Variants in STARD4 observed in about 807,000 individuals in gnomAD.
STARD4 encodes the protein StAR related lipid transfer domain containing 4.
Under a neutral mutation model 24.9 loss-of-function variants are expected in STARD4, and 33 were observed. The ratio of observed to expected loss-of-function variants is 1.32; its 90% CI spans 1.00 to 1.77. STARD4 has a LOEUF of 1.77. Ranked by LOEUF, STARD4 falls within the 40% of genes most tolerant of loss-of-function variation. The probability of loss-of-function intolerance (pLI) is 0.00; values close to 1 mark genes in which losing one functional copy is unlikely to be tolerated. For synonymous variants in STARD4, 88 were observed against 77.4 expected, an observed-to-expected ratio of 1.14 and a Z score of -0.72; for missense variants, 238 against 249.3, an observed-to-expected ratio of 0.95 and a Z score of 0.31.
At chr5:111,503,906 A>T (rs1756653498) in intron 3 of STARD4, among the ~76,000 whole-genome samples, 1 of 152,216 alleles carries the variant, frequency 6.6e-6, no homozygotes, top group Non-Finnish European at 1.5e-5. Flanking sequence ...AACTCCTATA[A>T]ACCAATGAGA....
intron 4 of STARD4, 111 bp from the exon 5 acceptor site, chr5:111,501,227 A>G: frequency 8.7e-7 from 1 of 1,144,282 alleles, no homozygotes; most frequent in Non-Finnish European, 1.2e-6. Context: ...AATGTTTCAT[A>G]ATTATAATAA....
At position 111,499,976 on chromosome 5, in the gene STARD4, A is replaced by C. The variant is rs1445085810; in HGVS notation, c.528T>G (p.Asp176Glu). 1 of 1,614,046 alleles carries C rather than the reference A, an allele frequency of 6.2e-7. No individual in the cohort carries two copies. The highest frequency in any genetic ancestry group is 1.3e-5 in the African/African-American group (1 of 74,922). The change falls in exon 6 of 6, where the codon GAT (aspartate) becomes GAG (glutamate). Residue 176 changes from aspartate to glutamate, a missense_variant. Transcript: ENST00000296632. Reference protein sequence around the residue: ...QSLLTGYIQTDLRGMIPQSAV... With the variant: ...QSLLTGYIQTELRGMIPQSAV... Reference sequence around the variant, plus strand: ...CAGACTGAGGAATCATCCCACGCAGATCTGTCTGAATATATCCTGTCAAAA... The same window carrying C: ...CAGACTGAGGAATCATCCCACGCAGCTCTGTCTGAATATATCCTGTCAAAA...
rs31315 is a variant in STARD4 at position 111,500,587 on chromosome 5, T to A, written c.397+415A>T. ...GTTTTAGAAAACAGGAGCCTTCCAA[T>A]GGCAGTATTTTTAATCTTGAAAAGA... On this transcript the variant is annotated intron_variant, in intron 5 of 5. Coordinates refer to ENST00000296632, the MANE Select transcript of STARD4 (RefSeq NM_139164.3). The A allele has an allele frequency of 6.4e-6, 7 of 1,094,418 alleles. No individual in the cohort carries two copies. In the South Asian group the frequency reaches 1.8e-4, roughly 28 times the overall value. 67.8% of individuals were successfully genotyped at this position (1,094,418 alleles called of 1,614,324 possible).
chr5:111,506,266 G>C (rs1756854614), intron 3 of STARD4, 64 bp downstream of exon 3: 1 of 666,528 alleles, frequency 1.5e-6, no homozygotes, highest in Non-Finnish European at 2.3e-6. Context: ...TGACTACTTA[G>C]TGACAATGGA....
At chr5:111,502,399 G>A (rs989522641) in intron 3 of STARD4, among the ~76,000 whole-genome samples, 1 of 151,934 alleles carries the variant, frequency 6.6e-6, no homozygotes, top group African/African-American at 2.4e-5. Context: ...AACCCCGGAG[G>A]TGGAGGTTGC....
chr5:111,509,134 C>G (rs1030977317), intron 1 of STARD4, among the ~76,000 whole-genome samples: 3 of 152,066 alleles, frequency 2.0e-5, no homozygotes, highest in African/African-American at 7.2e-5. Flanking sequence ...TAACTTTATT[C>G]AAGAGTATGC....
At chr5:111,504,831 T>A (rs1437177534) in intron 3 of STARD4, among the ~76,000 whole-genome samples, 1 of 152,184 alleles carries the variant, frequency 6.6e-6, no homozygotes, top group Non-Finnish European at 1.5e-5. Context: ...TCACTATGGT[T>A]TTATCAGGAC....
chr5:111,505,046 G>GAA lies in STARD4; in HGVS notation c.155+1282_155+1283dup, dbSNP rs60507297. ...TGATCACATATCCCTTTAAGACTCTGAAAAAAAAAAAACCAGTGTTTCTCA... is the reference window on the plus strand; with the variant it reads ...TGATCACATATCCCTTTAAGACTCTGAAAAAAAAAAAAAACCAGTGTTTCTCA... On this transcript the variant is annotated intron_variant, in intron 3 of 5. Coordinates refer to ENST00000296632, the MANE Select transcript of STARD4 (RefSeq NM_139164.3). The GAA allele has an allele frequency of 6.2e-3, 2,444 of 392,092 alleles. 5 individuals are homozygous for GAA. The highest frequency in any genetic ancestry group is 9.2e-3 in the Admixed American group (326 of 35,392). 24.3% of individuals were successfully genotyped at this position (392,092 alleles called of 1,614,324 possible).
intron 3 of STARD4, among the ~76,000 whole-genome samples, chr5:111,505,643 T>C (rs1380263046): frequency 6.6e-6 from 1 of 152,330 alleles, no homozygotes; most frequent in East Asian, 1.9e-4. Context: ...ATATTATAAA[T>C]AATGCTGTGA....
chr5:111,505,076 T>C (rs1348301803), intron 3 of STARD4: 1 of 452,716 alleles, frequency 2.2e-6, no homozygotes, highest in Admixed American at 2.4e-5. Context: ...TTCTCATATG[T>C]GTTTATGCAG....
In STARD4 at chr5:111,501,988, A is replaced by T. The variant is rs1756485367; in HGVS notation, c.256T>A (p.Leu86Met). 1 of 1,614,018 alleles carries T rather than the reference A, an allele frequency of 6.2e-7. No individual in the cohort carries two copies. The highest frequency in any genetic ancestry group is 1.3e-5 in the African/African-American group (1 of 74,908). ...TCTTCAAAGTTCTCCAGAATATCCA[A>T]AGAAGTCATCAAGCTGTCCCAATCC... ...RLDWDSLMTS[L>M]DILENFEENC... Residue 86 changes from leucine to methionine, a missense_variant, in exon 4 of 6, where the codon TTG (leucine) becomes ATG (methionine). Transcript: ENST00000296632.
At chr5:111,508,540 T>A (rs904157294) in intron 1 of STARD4, among the ~76,000 whole-genome samples, 2 of 152,086 alleles carry the variant, frequency 1.3e-5, no homozygotes, top group African/African-American at 4.8e-5. Context: ...TACAGAACCA[T>A]CAAATTGCTG....
At chr5:111,502,122 C>A (rs776273586) in intron 3 of STARD4, 34 bp from the exon 4 acceptor site, 2 of 1,596,894 alleles carry the variant, frequency 1.3e-6, no homozygotes, top group Admixed American at 3.6e-5. Flanking sequence ...ACCGCTGTTA[C>A]AATAAAAAAA....
chr5:111,504,079 T>C (rs1756665474), intron 3 of STARD4, among the ~76,000 whole-genome samples: 1 of 152,124 alleles, frequency 6.6e-6, no homozygotes, highest in Non-Finnish European at 1.5e-5. Context: ...AACTCGTAAG[T>C]AGTGAATGGA....
chr5:111,508,033 C>T (rs984399216), intron 1 of STARD4, among the ~76,000 whole-genome samples: 1 of 152,124 alleles, frequency 6.6e-6, no homozygotes, highest in Non-Finnish European at 1.5e-5. Flanking sequence ...CACTGGTTTT[C>T]TTTCTGTCCC....
At chr5:111,504,988 T>G (rs1351443767) in intron 3 of STARD4, 5 of 454,710 alleles carry the variant, frequency 1.1e-5, no homozygotes, top group South Asian at 6.2e-5. Context: ...CAGCACTTTG[T>G]GTCCAACTCA....
In STARD4 at chr5:111,506,275, G is replaced by T. The variant is rs937095744; in HGVS notation, c.155+55C>A. ...TAGCAATGACTACTTAGTGACAATG[G>T]ATATAAGTTTTGAAATGTCTTAAGA... On this transcript the variant is annotated intron_variant, in intron 3 of 5. Coordinates refer to ENST00000296632, the MANE Select transcript of STARD4 (RefSeq NM_139164.3). 15 of 901,770 alleles carry T rather than the reference G, an allele frequency of 1.7e-5. No homozygotes were observed. The Admixed American group carries it at 2.9e-4, about 17-fold the overall frequency. 55.9% of individuals were successfully genotyped at this position (901,770 alleles called of 1,614,324 possible).
rs1348284353 is a variant in STARD4, at chr5:111,502,008, C to A, written c.236G>T (p.Trp79Leu). ...ATCCAAAGAAGTCATCAAGCTGTCCCAATCCAAACGACAAGGCCCTGGGCG... is the reference window on the plus strand; with the variant it reads ...ATCCAAAGAAGTCATCAAGCTGTCCAAATCCAAACGACAAGGCCCTGGGCG... ...HIRPGPCRLDWDSLMTSLDIL... is the reference protein window; with the variant it reads ...HIRPGPCRLDLDSLMTSLDIL... The change falls in exon 4 of 6, where the codon TGG becomes TTG. Residue 79 changes from tryptophan to leucine, a missense_variant. By Grantham distance (61) the Trp-to-Leu change is moderately conservative (BLOSUM62 -2). Coordinates refer to ENST00000296632, the MANE Select transcript of STARD4 (RefSeq NM_139164.3). 1.9e-6 allele frequency: 3 copies of A among 1,614,052 alleles called. No individual in the cohort carries two copies. Among genetic ancestry groups the A allele is most frequent in the Non-Finnish European group, 2.5e-6 (3 of 1,180,004 alleles).
In STARD4 at chr5:111,504,240, T is replaced by A. The variant is rs575555356; in HGVS notation, c.155+2090A>T. Among the ~76,000 whole-genome samples the A allele has an allele frequency of 3.3e-5, 5 of 152,254 alleles. No homozygotes were observed. The East Asian group carries it at 7.7e-4, about 24-fold the overall frequency. ...AGGTTTACTATCGCATTGTACTTTA[T>A]AGAGAAAAATTGACAACAGCCTAAA... On this transcript the variant is annotated intron_variant, in intron 3 of 5. Coordinates refer to ENST00000296632, the MANE Select transcript of STARD4 (RefSeq NM_139164.3).
Sources: gnomAD v4.1 joint callset for allele counts (sites outside exome capture counted in the v4.1 genomes callset) on GRCh38, gnomAD v4.1.1 for gene constraint, MANE v1.5 for transcripts, NCBI Gene and HGNC (gene_info 2026-07-23, HGNC 2026-07-21) for gene names.